Variants in FRYL observed in about 807,000 individuals in gnomAD.
FRYL encodes protein furry homolog-like.
A neutral mutation model predicts 351.2 loss-of-function variants in FRYL; 150 were observed. The observed-to-expected ratio is 0.43, with a 90% CI of 0.37 to 0.49. The LOEUF (loss-of-function observed/expected upper bound fraction) is 0.49. Ranked by LOEUF, FRYL falls within the 20% of genes least tolerant of loss-of-function variation. FRYL has a pLI of 0.00. For synonymous variants in FRYL, 1,153 were observed against 1,257.1 expected (o/e 0.92, Z 1.75); for missense variants, 3,036 against 3,619.3 (o/e 0.84, Z 4.13).
chr4:48,505,408 ATTGTT>A (rs1411256970), intron 60 of FRYL, 134 bp downstream of exon 60: 4 of 677,942 alleles, frequency 5.9e-6, no homozygotes, highest in Non-Finnish European at 1.1e-5. Context: ...TTTTACAAAG[ATTGTT>A]TTGATAACCA....
intron 1 of FRYL, among the ~76,000 whole-genome samples, chr4:48,713,685 C>A (rs985661406): frequency 2.0e-5 from 3 of 152,108 alleles, no homozygotes; most frequent in African/African-American, 7.2e-5. Context: ...GACTTTAACA[C>A]CCCACTGTCA....
At chr4:48,683,665 T>A (rs1048126298) in intron 3 of FRYL, among the ~76,000 whole-genome samples, 2 of 152,076 alleles carry the variant, frequency 1.3e-5, no homozygotes, top group Non-Finnish European at 2.9e-5. Context: ...GTAAAAGACA[T>A]AAATTTGTTG....
At chr4:48,533,719 T>G in intron 49 of FRYL, among the ~76,000 whole-genome samples, 1 of 152,170 alleles carries the variant, frequency 6.6e-6, no homozygotes, top group East Asian at 1.9e-4. Flanking sequence ...TTAACTGAAT[T>G]TCAAAGGTGA....
In FRYL at chr4:48,775,726, G is replaced by C. The variant is rs1404953887; in HGVS notation, c.-384+4352C>G. Reference sequence around the variant, plus strand: ...TCTCTCTCTTGAGAAGAATAATCAAGAAATAAGAAGAAATTAAAGTATGTA... The same window carrying C: ...TCTCTCTCTTGAGAAGAATAATCAACAAATAAGAAGAAATTAAAGTATGTA... On this transcript the variant is annotated intron_variant, in intron 1 of 63. Coordinates refer to ENST00000358350, the MANE Select transcript of FRYL (RefSeq NM_015030.2). Among the ~76,000 whole-genome samples the C allele has an allele frequency of 2.6e-5, 4 of 152,264 alleles. No individual in the cohort carries two copies. The East Asian group carries it at 7.7e-4, about 29-fold the overall frequency.
intron 3 of FRYL, among the ~76,000 whole-genome samples, chr4:48,676,001 C>G (rs974155365): frequency 7.9e-5 from 12 of 152,122 alleles, no homozygotes; most frequent in African/African-American, 2.7e-4. Flanking sequence ...CCTGTGTGTC[C>G]AAACTCTGTA....
At chr4:48,757,305 T>G (rs866637743) in intron 1 of FRYL, among the ~76,000 whole-genome samples, 1 of 152,204 alleles carries the variant, frequency 6.6e-6, no homozygotes, top group African/African-American at 2.4e-5. Flanking sequence ...AAATTGTCCC[T>G]GTTTGCAGAT....
At chr4:48,746,925 G>A (rs1772743108) in intron 1 of FRYL, among the ~76,000 whole-genome samples, 1 of 152,212 alleles carries the variant, frequency 6.6e-6, no homozygotes, top group Admixed American at 6.5e-5. Flanking sequence ...ACCCACGTGA[G>A]AAATGCCTGG....
At position 48,564,011 on chromosome 4, in the gene FRYL, T is replaced by A. The variant is rs764911368; in HGVS notation, c.3533A>T (p.Tyr1178Phe). ...NLMYWAVDRC[Y>F]TGSGRVAAGC... is the part of the protein sequence containing the mutation. ...GGCCGCCACCCTCCCGGAGCCCGTG[T>A]AGCAGCGGTCCACAGCCCAGTACAT... Residue 1178 changes from tyrosine (Y) to phenylalanine (F), a missense_variant, in exon 31 of 64, where the codon TAC (tyrosine) becomes TTC (phenylalanine). Physicochemically the swap from Tyr to Phe is conservative, Grantham distance 22. Coordinates refer to ENST00000358350, the MANE Select transcript of FRYL (RefSeq NM_015030.2). 1.1e-5 allele frequency: 18 copies of A among 1,614,206 alleles called. No homozygotes were observed. The Admixed American group carries it at 2.3e-4, about 21-fold the overall frequency.
intron 20 of FRYL, among the ~76,000 whole-genome samples, chr4:48,582,111 T>A (rs1290873301): frequency 6.6e-6 from 1 of 152,222 alleles, no homozygotes; most frequent in Non-Finnish European, 1.5e-5. Context: ...GCATCTTTTA[T>A]GGTTAAGGAG....
intron 1 of FRYL, among the ~76,000 whole-genome samples, chr4:48,713,459 G>A (rs569469204): frequency 1.3e-5 from 2 of 152,210 alleles, no homozygotes; most frequent in African/African-American, 4.8e-5. Context: ...AAAAAAGGCA[G>A]CGGTTGCAAT....
rs1156539568 is a variant in FRYL, at chr4:48,549,689, T to TA, written c.4634-67dup. 7.7e-5 allele frequency: 101 copies of TA among 1,313,158 alleles called. No individual in the cohort carries two copies. Among genetic ancestry groups the TA allele is most frequent in the Non-Finnish European group, 1.1e-4 (98 of 932,190 alleles). The allele number at this position is 1,313,158 out of a possible 1,614,324, so 81.3% of individuals were successfully genotyped here. ...TTCTGCCAATATAAGCAAACTCTAG[T>TA]AAGATCCCAACTATTTATATAGTAT... On this transcript the variant is annotated intron_variant, in intron 38 of 63. Coordinates refer to ENST00000358350, the MANE Select transcript of FRYL (RefSeq NM_015030.2). The surrounding 1 kb of genome is among the most constrained non-coding windows in gnomAD (Gnocchi z 4.2).
At chr4:48,594,182 A>G (rs1269725198) in intron 15 of FRYL, among the ~76,000 whole-genome samples, 166 bp from the exon 16 acceptor site, 1 of 55,396 alleles carries the variant, frequency 1.8e-5, no homozygotes, top group East Asian at 7.2e-4. Context: ...ACATGATTAT[A>G]AGTATATTAT....
At chr4:48,718,090 A>T (rs1157317069) in intron 1 of FRYL, among the ~76,000 whole-genome samples, 1 of 151,634 alleles carries the variant, frequency 6.6e-6, no homozygotes, top group East Asian at 1.9e-4. Context: ...TGTAGGGGAA[A>T]GGGGAGTCCT....
intron 12 of FRYL, among the ~76,000 whole-genome samples, chr4:48,602,802 CCT>C (rs1483022040): frequency 2.6e-5 from 4 of 152,076 alleles, no homozygotes; most frequent in South Asian, 2.1e-4. Context: ...ACAGTGATCC[CCT>C]GAGGTTACAA....
intron 4 of FRYL, among the ~76,000 whole-genome samples, chr4:48,629,047 ATAT>A (rs961006702): frequency 3.3e-5 from 5 of 149,702 alleles, no homozygotes; most frequent in South Asian, 2.1e-4. Context: ...ATACTTTATA[ATAT>A]TATACAGTAT....
In FRYL at chr4:48,546,519, C is replaced by T. The variant is rs1578048701; in HGVS notation, c.5075-248G>A. On this transcript the variant is annotated intron_variant, in intron 41 of 63. Coordinates refer to ENST00000358350, the MANE Select transcript of FRYL (RefSeq NM_015030.2). Reference sequence around the variant, plus strand: ...GATGTACTATGCAGTCCTCTGCCGCCATCTGCTGAAGAAACTTGCAAGTGG... The same window carrying T: ...GATGTACTATGCAGTCCTCTGCCGCTATCTGCTGAAGAAACTTGCAAGTGG... 6 of 413,486 alleles carry T rather than the reference C, an allele frequency of 1.5e-5. No individual in the cohort carries two copies. The East Asian group carries it at 2.3e-4, about 16-fold the overall frequency. 25.6% of individuals were successfully genotyped at this position (413,486 alleles called of 1,614,324 possible). A position where few individuals can be genotyped will look rare whatever the true frequency, so the allele number is the denominator to read the frequency against.
chr4:48,778,844 G>A (rs1776306431), intron 1 of FRYL, among the ~76,000 whole-genome samples: 1 of 150,566 alleles, frequency 6.6e-6, no homozygotes. Flanking sequence ...CCCCCAATCC[G>A]ACAGACCCTG....
chr4:48,529,334 C>A (rs1422447465), intron 50 of FRYL, among the ~76,000 whole-genome samples: 4 of 152,144 alleles, frequency 2.6e-5, no homozygotes, highest in Non-Finnish European at 5.9e-5. Context: ...GCCTCTATAC[C>A]TTTGGTGTAT....
intron 3 of FRYL, among the ~76,000 whole-genome samples, chr4:48,677,583 G>C (rs760884486): frequency 2.6e-5 from 4 of 151,908 alleles, no homozygotes; most frequent in Non-Finnish European, 4.4e-5. Context: ...GCTAATTTTT[G>C]TATTTTTAAT....
Sources: gnomAD v4.1 joint callset for allele counts (sites outside exome capture counted in the v4.1 genomes callset) on GRCh38, gnomAD v4.1.1 for gene constraint, Gnocchi (gnomAD v3.1) non-coding constraint, MANE v1.5 for transcripts, NCBI Gene and HGNC (gene_info 2026-07-23, HGNC 2026-07-21) for gene names.